Variants in GLOD4 observed in about 807,000 individuals in gnomAD.
The protein encoded by GLOD4 is glyoxalase domain containing 4.
In GLOD4, 44 loss-of-function variants were observed where a neutral mutation model predicts 39.1. The ratio of observed to expected loss-of-function variants is 1.13; its 90% CI spans 0.88 to 1.45. GLOD4 has a LOEUF of 1.45. Ranked by LOEUF, GLOD4 falls within the 40% of genes most tolerant of loss-of-function variation. The probability of loss-of-function intolerance (pLI) is 0.00; values close to 1 mark genes in which losing one functional copy is unlikely to be tolerated. For missense variants in GLOD4, 405 were observed against 366.4 expected (o/e 1.11, Z -0.86); for synonymous variants, 145 against 135.0 (o/e 1.07, Z -0.52).
chr17:785,073 C>A (rs549915635), upstream of GLOD4, among the ~76,000 whole-genome samples: 3 of 151,724 alleles, frequency 2.0e-5, no homozygotes, highest in East Asian at 5.8e-4. Context: ...TAGTAAGATT[C>A]AAAAAAACTG....
At chr17:782,618 A>G, upstream of GLOD4, 1 of 1,613,962 alleles carries the variant, frequency 6.2e-7, no homozygotes, top group Non-Finnish European at 8.5e-7. Context: ...AGGAGTCCGC[A>G]TCCCGCGCTC....
At chr17:771,175 T>G in intron 5 of GLOD4, 150 bp downstream of exon 5, 1 of 547,270 alleles carries the variant, frequency 1.8e-6, no homozygotes, top group Non-Finnish European at 3.3e-6. Context: ...TATTTTCTTC[T>G]GTTTATCTAT....
chr17:775,718 C>G, intron 4 of GLOD4, 57 bp downstream of exon 4: 1 of 1,453,366 alleles, frequency 6.9e-7, no homozygotes, highest in East Asian at 2.3e-5. Context: ...AGCCCTCACT[C>G]TCCTTTCACC....
intron 8 of GLOD4, among the ~76,000 whole-genome samples, chr17:765,796 A>T (rs1906429153): frequency 6.6e-6 from 1 of 151,662 alleles, no homozygotes; most frequent in African/African-American, 2.4e-5. Flanking sequence ...TAAAAATACA[A>T]AAATTAGCCA....
At chr17:779,855 G>A (rs990835515) in intron 1 of GLOD4, among the ~76,000 whole-genome samples, 17 of 151,854 alleles carry the variant, frequency 1.1e-4, no homozygotes, top group African/African-American at 3.9e-4. Flanking sequence ...CCAACGCTTC[G>A]CTCAGACTAT....
At position 770,428 on chromosome 17, in the gene GLOD4, T is replaced by C; in HGVS notation, c.623A>G (p.Gln208Arg). The change falls in exon 6 of 9, where the codon CAG (glutamine) becomes CGG (arginine). Residue 208 changes from glutamine to arginine, a missense_variant. Physicochemically the swap from Gln to Arg is conservative, Grantham distance 43 (BLOSUM62 1). Transcript: ENST00000301329. Reference protein sequence around the residue: ...AFGRIAFSCPQKELPDLEDLM... With the variant: ...AFGRIAFSCPRKELPDLEDLM... ...TCTGGTATCAAGCGTTACCTCTTTCTGGGGGCAAGAGAAGGCAATTCTTCC... is the reference window on the plus strand; with the variant it reads ...TCTGGTATCAAGCGTTACCTCTTTCCGGGGGCAAGAGAAGGCAATTCTTCC... 6.5e-7 allele frequency: 1 copy of C among 1,528,602 alleles called. No individual in the cohort carries two copies. 94.7% of individuals were successfully genotyped at this position (1,528,602 alleles called of 1,614,324 possible). A position where few individuals can be genotyped will look rare whatever the true frequency, so the allele number is the denominator to read the frequency against.
intron 3 of GLOD4, among the ~76,000 whole-genome samples, chr17:776,181 A>G (rs1314842294): frequency 6.6e-6 from 1 of 152,250 alleles, no homozygotes; most frequent in East Asian, 1.9e-4. Flanking sequence ...AACGTCTTCT[A>G]ATTCTAAAGA....
intron 1 of GLOD4, among the ~76,000 whole-genome samples, chr17:779,088 G>A (rs917306294): frequency 9.2e-5 from 14 of 152,094 alleles, no homozygotes; most frequent in Non-Finnish European, 2.1e-4. Context: ...ATCAAGGTGG[G>A]TGGACTGCCT....
chr17:771,315 G>T lies in GLOD4; in HGVS notation c.543+10C>A. ...AAAGTAACAGGTTATTCTTCTCCAA[G>T]ATTGCTCACCTGGTTATCAGCATAG... On this transcript the variant is annotated intron_variant, in intron 5 of 8. Transcript: ENST00000301329. The T allele has an allele frequency of 6.4e-7, 1 of 1,566,708 alleles. No individual in the cohort carries two copies. The highest frequency in any genetic ancestry group is 8.7e-7 in the Non-Finnish European group (1 of 1,154,784).
upstream of GLOD4, among the ~76,000 whole-genome samples, chr17:784,807 G>A (rs1441222980): frequency 6.6e-6 from 1 of 152,132 alleles, no homozygotes. Flanking sequence ...TAGAAGTAAA[G>A]GACTTCTAAG....
At chr17:780,140 G>A (rs540648735) in intron 1 of GLOD4, among the ~76,000 whole-genome samples, 1 of 151,982 alleles carries the variant, frequency 6.6e-6, no homozygotes, top group African/African-American at 2.4e-5. Flanking sequence ...CTCCAGCCTG[G>A]GCGAAAGAGC....
intron 8 of GLOD4, among the ~76,000 whole-genome samples, chr17:761,193 T>C (rs1300833169): frequency 2.6e-5 from 4 of 152,160 alleles, no homozygotes; most frequent in African/African-American, 4.8e-5. Flanking sequence ...CTTGAAGCAT[T>C]TGCTATAATA....
Position 775,907 on chromosome 17 carries a change from C to G in GLOD4, c.274G>C (p.Ala92Pro). 3.1e-6 allele frequency: 5 copies of G among 1,613,168 alleles called. No homozygotes were observed. Among genetic ancestry groups the G allele is most frequent in the Non-Finnish European group, 4.2e-6 (5 of 1,179,130 alleles). Residue 92 changes from alanine (A) to proline (P), a missense_variant, in exon 4 of 9, where the codon GCT becomes CCT. Physicochemically the swap from Ala to Pro is conservative, Grantham distance 27. Transcript: ENST00000301329. ...LGNDFMGITL[A>P]SSQAVSNARK... is the part of the protein sequence containing the mutation. ...GCGTTGCTGACAGCCTGGCTAGAAG[C>G]GAGCGTGATTCCCTACAACAAACAA...
intron 8 of GLOD4, 26 bp downstream of exon 8, chr17:769,843 G>A (rs143261573): frequency 7.7e-7 from 1 of 1,291,022 alleles, no homozygotes; most frequent in East Asian, 2.3e-5. Flanking sequence ...GGCCCATGGT[G>A]ACATAAATGT....
intron 8 of GLOD4, chr17:765,158 G>C (rs897325534): frequency 2.0e-5 from 3 of 151,036 alleles, no homozygotes; most frequent in Admixed American, 6.7e-5. Context: ...AGCTGATCTG[G>C]GAGATGAAGG....
chr17:782,281 G>C (rs373531077), upstream of GLOD4: 4 of 1,612,444 alleles, frequency 2.5e-6, no homozygotes, highest in East Asian at 6.7e-5. Flanking sequence ...CAGCCGTCAC[G>C]CGCACCGTAC....
At chr17:762,338 C>A (rs1277650204) in intron 8 of GLOD4, among the ~76,000 whole-genome samples, 8 of 152,270 alleles carry the variant, frequency 5.3e-5, no homozygotes, top group African/African-American at 1.9e-4. Context: ...CACAGACACG[C>A]TGTACTGTCC....
At chr17:773,540 T>C (rs1242917002) in intron 4 of GLOD4, among the ~76,000 whole-genome samples, 3 of 152,094 alleles carry the variant, frequency 2.0e-5, no homozygotes, top group African/African-American at 7.2e-5. Context: ...CTTCTCTGCT[T>C]GTCTAAGGAA....
chr17:760,103 G>C lies in GLOD4; in HGVS notation c.*70C>G. ...AACAAATCAGAAGAGCATTTATTGG[G>C]AACTGACACGTCAGGCCTCACAGGT... On this transcript the variant is annotated 3_prime_UTR_variant, in exon 9 of 9. Coordinates refer to ENST00000301329, the MANE Select transcript of GLOD4 (RefSeq NM_016080.4). The C allele has an allele frequency of 1.2e-6, 1 of 863,602 alleles. No homozygotes were observed. The highest frequency in any genetic ancestry group is 2.0e-6 in the Non-Finnish European group (1 of 498,930). 53.5% of individuals were successfully genotyped at this position (863,602 alleles called of 1,614,324 possible). A position where few individuals can be genotyped will look rare whatever the true frequency, so the allele number is the denominator to read the frequency against.
Sources: gnomAD v4.1 joint callset for allele counts (sites outside exome capture counted in the v4.1 genomes callset) on GRCh38, gnomAD v4.1.1 for gene constraint, MANE v1.5 for transcripts, NCBI Gene and HGNC (gene_info 2026-07-23, HGNC 2026-07-21) for gene names.